The following STARD13 variants were observed in gnomAD, a reference collection of about 807,000 sequenced individuals.
The protein encoded by STARD13 is stAR-related lipid transfer protein 13.
In STARD13, 62 loss-of-function variants were observed where a neutral mutation model predicts 106.4. The ratio of observed to expected loss-of-function variants is 0.58; its 90% CI spans 0.48 to 0.72. STARD13 has a LOEUF of 0.72. Ranked by LOEUF, STARD13 falls within the 30% of genes least tolerant of loss-of-function variation. The pLI is 0.00. For missense variants in STARD13, 1,387 were observed against 1,424.0 expected (o/e 0.97, Z 0.42); for synonymous variants, 565 against 553.0 (o/e 1.02, Z -0.31).
chr13:33,120,892 A>G (rs992540690), intron 7 of STARD13, among the ~76,000 whole-genome samples: 3 of 151,798 alleles, frequency 2.0e-5, no homozygotes, highest in Non-Finnish European at 4.4e-5. Context: ...GGCACCTGCC[A>G]CCACTTCCAG....
At chr13:33,430,154 T>C in the STARD13 span, among the ~76,000 whole-genome samples, 176 of 152,336 alleles carry the variant, frequency 1.2e-3, no homozygotes, top group African/African-American at 4.0e-3. Flanking sequence ...CCTGACCTAG[T>C]GATCCACCCG....
At chr13:33,400,066 T>G in the STARD13 span, among the ~76,000 whole-genome samples, 12 of 152,192 alleles carry the variant, frequency 7.9e-5, no homozygotes, top group African/African-American at 2.9e-4. Context: ...TGCTGTATAT[T>G]AGATTTCCAG....
chr13:33,534,689 T>C, the STARD13 span, among the ~76,000 whole-genome samples: 2 of 152,170 alleles, frequency 1.3e-5, no homozygotes, highest in Admixed American at 6.5e-5. Context: ...GGCCTTTGGA[T>C]ATATTTAAAT....
chr13:33,399,899 A>G, the STARD13 span, among the ~76,000 whole-genome samples: 2 of 152,088 alleles, frequency 1.3e-5, no homozygotes, highest in Admixed American at 6.6e-5. Flanking sequence ...GTACAAGGCA[A>G]CTTTGTGGAT....
chr13:33,552,999 A>G, the STARD13 span, among the ~76,000 whole-genome samples: 41 of 152,316 alleles, frequency 2.7e-4, no homozygotes, highest in African/African-American at 9.1e-4. Flanking sequence ...TGTACTAGCT[A>G]AAATATAATA....
chr13:33,599,863 A>G, the STARD13 span, among the ~76,000 whole-genome samples: 34,169 of 152,148 alleles, frequency 0.22, 4,894 homozygotes, highest in East Asian at 0.39. Context: ...TCAATGATGG[A>G]TTACAACCAT....
chr13:33,304,319 A>T (rs1327489200), intron 1 of STARD13, among the ~76,000 whole-genome samples: 4 of 152,246 alleles, frequency 2.6e-5, no homozygotes, highest in African/African-American at 9.6e-5. Context: ...ATTCATTTAG[A>T]GGGCTTTTAG....
intron 1 of STARD13, among the ~76,000 whole-genome samples, chr13:33,227,377 T>C (rs1353519219): frequency 6.6e-6 from 1 of 152,228 alleles, no homozygotes; most frequent in African/African-American, 2.4e-5. Flanking sequence ...CCAGAACTAC[T>C]TTCCATATCA....
At chr13:33,420,671 A>G in the STARD13 span, among the ~76,000 whole-genome samples, 1 of 152,178 alleles carries the variant, frequency 6.6e-6, no homozygotes, top group African/African-American at 2.4e-5. Context: ...GCACCACATC[A>G]CACTTATTAT....
chr13:33,675,857 C>A, the STARD13 span, among the ~76,000 whole-genome samples: 2 of 152,052 alleles, frequency 1.3e-5, no homozygotes, highest in Non-Finnish European at 2.9e-5. Flanking sequence ...ACAGTGATGC[C>A]CTCTTAGGAA....
At chr13:33,456,863 G>C in the STARD13 span, among the ~76,000 whole-genome samples, 1 of 152,202 alleles carries the variant, frequency 6.6e-6, no homozygotes, top group Non-Finnish European at 1.5e-5. Context: ...ACTAAGATGA[G>C]GGAAACAATT....
chr13:33,651,661 G>A, the STARD13 span, among the ~76,000 whole-genome samples: 4 of 152,334 alleles, frequency 2.6e-5, no homozygotes, highest in Non-Finnish European at 5.9e-5. Context: ...AACAATAGCT[G>A]TAAATTCCTT....
chr13:33,151,554 A>G (rs938266244), intron 3 of STARD13, among the ~76,000 whole-genome samples: 2 of 152,178 alleles, frequency 1.3e-5, no homozygotes, highest in African/African-American at 4.8e-5. Context: ...CCCCAACTCC[A>G]ACACTGGGAA....
the STARD13 span, among the ~76,000 whole-genome samples, chr13:33,516,214 T>G: frequency 2.0e-5 from 3 of 148,124 alleles, no homozygotes; most frequent in African/African-American, 7.4e-5. Context: ...TCATAATATA[T>G]ATTCAGTATC....
chr13:33,178,226 A>G (rs1253517651), intron 1 of STARD13, among the ~76,000 whole-genome samples: 1 of 152,212 alleles, frequency 6.6e-6, no homozygotes, highest in Non-Finnish European at 1.5e-5. Context: ...TGCATTTTGA[A>G]CATCTTTTTA....
At position 33,136,109 on chromosome 13, in the gene STARD13, A is replaced by C. The variant is rs1566015425; in HGVS notation, c.388-5820T>G. Among the ~76,000 whole-genome samples the C allele has an allele frequency of 6.7e-5, 10 of 148,228 alleles. 1 individual carries two copies. The South Asian group carries it at 2.2e-3, about 32-fold the overall frequency. On this transcript the variant is annotated intron_variant, in intron 4 of 13. Transcript: ENST00000336934. ...GCACTGTAGCCTGGGTGATGAAGTG[A>C]GACTCTACCTCAAAAAAAAAAAATT...
chr13:33,656,767 G>T, the STARD13 span: 1 of 152,194 alleles, frequency 6.6e-6, no homozygotes, highest in African/African-American at 2.4e-5. Flanking sequence ...AGAATACTCA[G>T]ATCCTTAAAT....
chr13:33,617,249 G>A, the STARD13 span, among the ~76,000 whole-genome samples: 1 of 152,186 alleles, frequency 6.6e-6, no homozygotes, highest in African/African-American at 2.4e-5. Context: ...GACTAAACGA[G>A]TTAATAGTGC....
the STARD13 span, among the ~76,000 whole-genome samples, chr13:33,506,393 C>CTA: frequency 6.6e-6 from 1 of 152,240 alleles, no homozygotes; most frequent in South Asian, 2.1e-4. Context: ...TAAAGTAAGC[C>CTA]TATCACTGAC....
Sources: gnomAD v4.1 joint callset for allele counts (sites outside exome capture counted in the v4.1 genomes callset) on GRCh38, gnomAD v4.1.1 for gene constraint, MANE v1.5 for transcripts, NCBI Gene and HGNC (gene_info 2026-07-23, HGNC 2026-07-21) for gene names.